The following SPINDOC variants were observed in gnomAD, a reference collection of about 807,000 sequenced individuals.
SPINDOC encodes the protein spindlin interactor and repressor of chromatin binding.
SPINDOC carries 13 observed loss-of-function variants against 30.7 expected under a neutral mutation model. The ratio of observed to expected loss-of-function variants is 0.42; its 90% CI spans 0.28 to 0.67. The LOEUF is 0.67. SPINDOC is among the 30% of genes least tolerant of loss of function. The pLI is 0.22. For synonymous variants in SPINDOC, 228 were observed against 211.4 expected (o/e 1.08, Z -0.68); for missense variants, 438 against 518.0 (o/e 0.85, Z 1.50).
intron 5 of SPINDOC, chr11:63,823,411 GC>G: frequency 2.9e-6 from 3 of 1,021,908 alleles, no homozygotes; most frequent in Non-Finnish European, 3.8e-6. Flanking sequence ...GTTGGAAAAG[GC>G]CACCTGTGGT....
Position 63,816,386 on chromosome 11 carries a change from A to G in SPINDOC, c.128-1419A>G, listed in dbSNP as rs1045199680. On this transcript the variant is annotated intron_variant, in intron 1 of 5. Transcript: ENST00000294244. ...AGGATGAAGTTGAGAAACTGACCGC[A>G]GAGTTTAGCACTGCTGACTTGGATG... 4.6e-5 allele frequency among the ~76,000 whole-genome samples: 7 copies of G among 152,312 alleles called. No individual in the cohort carries two copies. The East Asian group carries it at 7.7e-4, about 17-fold the overall frequency.
chr11:63,814,415 C>G (rs2015284556), intron 1 of SPINDOC, among the ~76,000 whole-genome samples: 1 of 152,114 alleles, frequency 6.6e-6, no homozygotes, highest in African/African-American at 2.4e-5. Context: ...CATACAACAG[C>G]TAGTTTGGAA....
At chr11:63,824,281 C>T (rs548724512) in intron 5 of SPINDOC, among the ~76,000 whole-genome samples, 1 of 152,242 alleles carries the variant, frequency 6.6e-6, no homozygotes, top group East Asian at 1.9e-4. Flanking sequence ...AACTTTCTTC[C>T]CTTGGCTTTT....
At chr11:63,814,122 A>C (rs1275226662) in intron 1 of SPINDOC, among the ~76,000 whole-genome samples, 1 of 152,168 alleles carries the variant, frequency 6.6e-6, no homozygotes, top group African/African-American at 2.4e-5. Context: ...GCCCAGCACC[A>C]GAGGCCGGAT....
In SPINDOC at chr11:63,813,534, C is replaced by A; in HGVS notation, c.-153C>A. ...CGGACGCGCCGGTCGCAGGCCCGGC[C>A]GGCGAGCGGCGGGCGGGCGGCGGGG... On this transcript the variant is annotated 5_prime_UTR_variant, in exon 1 of 6. Transcript: ENST00000294244. 1 of 570,758 alleles carries A rather than the reference C, an allele frequency of 1.8e-6. No individual in the cohort carries two copies. The highest frequency in any genetic ancestry group is 2.2e-6 in the Non-Finnish European group (1 of 454,000). 35.4% of individuals were successfully genotyped at this position (570,758 alleles called of 1,614,324 possible). A position where few individuals can be genotyped will look rare whatever the true frequency, so the allele number is the denominator to read the frequency against.
intron 1 of SPINDOC, among the ~76,000 whole-genome samples, chr11:63,815,837 G>A (rs1305741750): frequency 1.3e-5 from 2 of 150,700 alleles, no homozygotes; most frequent in Non-Finnish European, 2.9e-5. Flanking sequence ...GCACAATCTC[G>A]GCTCACTGCA....
At position 63,818,090 on chromosome 11, in the gene SPINDOC, T is replaced by C; in HGVS notation, c.413T>C (p.Leu138Pro). The C allele has an allele frequency of 6.2e-7, 1 of 1,613,990 alleles. No individual in the cohort carries two copies. Among genetic ancestry groups the C allele is most frequent in the Non-Finnish European group, 8.5e-7 (1 of 1,180,012 alleles). The change falls in exon 2 of 6, where the codon CTC becomes CCC. Residue 138 changes from leucine (L) to proline (P), a missense_variant. Physicochemically the swap from Leu to Pro is moderately conservative, Grantham distance 98. Transcript: ENST00000294244. This position sits in a 1 kb window ranked among gnomAD's most constrained non-coding sequence, Gnocchi z 5.3. ...ILEAWSEGVA[L>P]LQDVRAEQPS... ...GAGGCCTGGAGTGAAGGGGTGGCCC[T>C]CTTGCAAGACGTGAGAGCTGAGCAG...
At chr11:63,824,419 T>C (rs2015602725) in intron 5 of SPINDOC, among the ~76,000 whole-genome samples, 1 of 152,152 alleles carries the variant, frequency 6.6e-6, no homozygotes, top group Non-Finnish European at 1.5e-5. Flanking sequence ...CTTTCTAGAA[T>C]GTAAGGGCCT....
chr11:63,823,648 T>C (rs1014560974), intron 5 of SPINDOC, among the ~76,000 whole-genome samples: 2 of 152,152 alleles, frequency 1.3e-5, no homozygotes, highest in African/African-American at 2.4e-5. Flanking sequence ...CAGGCTGGAG[T>C]GCAGTGGCGT....
In SPINDOC at chr11:63,818,891, G is replaced by C. The variant is rs769395077; in HGVS notation, c.823G>C (p.Val275Leu). The C allele has an allele frequency of 6.2e-7, 1 of 1,614,026 alleles. No homozygotes were observed. The highest frequency in any genetic ancestry group is 8.5e-7 in the Non-Finnish European group (1 of 1,180,050). ...FTDGSFPAGF[V>L]LQLFSHTQLR... The stretch of plus-strand genomic sequence containing the variant: ...TGACGGCAGCTTCCCCGCCGGCTTC[G>C]TCTTGCAGCTCTTCTCCCACACCCA... The change falls in exon 5 of 6, where the codon GTC becomes CTC. Residue 275 changes from valine to leucine, a missense_variant. Physicochemically the swap from Val to Leu is conservative, Grantham distance 32. Around this residue, in one of 3 missense-constraint regions of SPINDOC, gnomAD observed 300 missense variants for 332.8 expected, o/e 0.90. Transcript: ENST00000294244. This position sits in a 1 kb window ranked among gnomAD's most constrained non-coding sequence, Gnocchi z 5.3.
In SPINDOC at chr11:63,817,329, A is replaced by C. The variant is rs569851028; in HGVS notation, c.128-476A>C. Among the ~76,000 whole-genome samples the C allele has an allele frequency of 2.6e-5, 4 of 152,278 alleles. No homozygotes were observed. In the South Asian group the frequency reaches 6.2e-4, roughly 24 times the overall value. On this transcript the variant is annotated intron_variant, in intron 1 of 5. Transcript: ENST00000294244. ...CCATTGCATTCCAGCCTGGGTGACA[A>C]AGTGAGACTCTGTCTCAAAATAAAT... is the stretch of plus-strand genomic sequence containing the variant.
intron 1 of SPINDOC, among the ~76,000 whole-genome samples, chr11:63,815,279 C>T (rs955281024): frequency 1.3e-5 from 2 of 152,064 alleles, no homozygotes; most frequent in South Asian, 2.1e-4. Context: ...CATTTCAGGC[C>T]GAATAGCAAG....
intron 5 of SPINDOC, among the ~76,000 whole-genome samples, chr11:63,824,928 A>G (rs2015615625): frequency 1.3e-5 from 2 of 152,052 alleles, no homozygotes; most frequent in Non-Finnish European, 2.9e-5. Context: ...TTCTTTCTCC[A>G]GCCCAGCATC....
intron 5 of SPINDOC, among the ~76,000 whole-genome samples, chr11:63,825,784 T>C (rs891520879): frequency 1.3e-5 from 2 of 152,110 alleles, no homozygotes; most frequent in African/African-American, 4.8e-5. Context: ...TTCCAGCACA[T>C]CGCACAGCAA....
intron 1 of SPINDOC, among the ~76,000 whole-genome samples, chr11:63,817,462 C>T (rs1027550631): frequency 2.6e-5 from 4 of 152,126 alleles, no homozygotes; most frequent in Non-Finnish European, 4.4e-5. Flanking sequence ...TGGAAAGCTT[C>T]GCAGGGATGA....
At chr11:63,823,630 C>G (rs761130941) in intron 5 of SPINDOC, among the ~76,000 whole-genome samples, 1 of 152,038 alleles carries the variant, frequency 6.6e-6, no homozygotes, top group Admixed American at 6.6e-5. Flanking sequence ...GAGTCTCGCT[C>G]TGTCGCCCAG....
intron 5 of SPINDOC, 77 bp from the exon 6 acceptor site, chr11:63,826,851 G>A (rs1016554052): frequency 9.5e-6 from 7 of 735,554 alleles, no homozygotes; most frequent in Non-Finnish European, 1.7e-5. Flanking sequence ...GGTACAGTTT[G>A]CGGAGCTTCC....
Position 63,818,485 on chromosome 11 carries a change from GA to G in SPINDOC, c.608-41del. 1 of 1,606,808 alleles carries G rather than the reference GA, an allele frequency of 6.2e-7. No homozygotes were observed. The highest frequency in any genetic ancestry group is 8.5e-7 in the Non-Finnish European group (1 of 1,178,868). On this transcript the variant is annotated intron_variant, in intron 3 of 5. Coordinates refer to ENST00000294244, the MANE Select transcript of SPINDOC (RefSeq NM_138471.3). The surrounding 1 kb of genome is among the most constrained non-coding windows in gnomAD (Gnocchi z 5.3). ...GAGCCCTGGGGTGGCAGGGTTCGGG[GA>G]TGGCCTCTTTAAAAGGGTATGAGGT...
chr11:63,816,180 C>G (rs957872256), intron 1 of SPINDOC, among the ~76,000 whole-genome samples: 3 of 151,922 alleles, frequency 2.0e-5, no homozygotes, highest in African/African-American at 7.3e-5. Flanking sequence ...ATGGGGTGCT[C>G]TAGTGAGGGG....
Sources: allele counts gnomAD v4.1 joint callset (sites outside exome capture counted in the v4.1 genomes callset), GRCh38; gene constraint gnomAD v4.1.1; regional missense constraint gnomAD v4.1.1; non-coding constraint Gnocchi (gnomAD v3.1); transcripts MANE v1.5; gene names NCBI Gene and HGNC (gene_info 2026-07-23, HGNC 2026-07-21).